The following OPHN1 variants were observed in gnomAD, a reference collection of about 807,000 sequenced individuals.
The protein encoded by OPHN1 is oligophrenin-1.
In OPHN1, 11 loss-of-function variants were observed where a neutral mutation model predicts 60.7. That is an observed-to-expected ratio of 0.18 (90% CI 0.11 to 0.30). OPHN1 has a LOEUF of 0.30. Among genes scored for constraint, OPHN1 ranks in the 10% least tolerant of loss-of-function variants. The probability of loss-of-function intolerance (pLI) is 1.00; values close to 1 mark genes in which losing one functional copy is unlikely to be tolerated. For synonymous variants in OPHN1, 226 were observed against 222.6 expected, an observed-to-expected ratio of 1.02 and a Z score of -0.14; for missense variants, 449 against 611.0, an observed-to-expected ratio of 0.73 and a Z score of 2.80.
chrX:68,194,900 G>A (rs1263134599), intron 12 of OPHN1, among the ~76,000 whole-genome samples: 1 of 107,702 alleles, frequency 9.3e-6, no homozygotes, highest in Non-Finnish European at 1.9e-5. Flanking sequence ...CCCAGGAGGT[G>A]GAGGCTGCAG....
At chrX:68,115,371 A>G (rs1387981247) in intron 16 of OPHN1, among the ~76,000 whole-genome samples, 1 of 112,253 alleles carries the variant, frequency 8.9e-6, no homozygotes, top group African/African-American at 3.2e-5. Context: ...GTCCCTGTAG[A>G]TATTTCAGTT....
chrX:68,428,144 A>G (rs943171771), intron 2 of OPHN1, among the ~76,000 whole-genome samples: 1 of 111,822 alleles, frequency 8.9e-6, no homozygotes, highest in African/African-American at 3.2e-5. Flanking sequence ...GCAGTAGGAT[A>G]AGCAGGGCCT....
At chrX:68,205,507 CTGTT>C (rs1338426214) in intron 10 of OPHN1, among the ~76,000 whole-genome samples, 6 of 111,429 alleles carry the variant, frequency 5.4e-5, no homozygotes, top group East Asian at 2.8e-4. Flanking sequence ...TCCAGAAACT[CTGTT>C]TGATACAACA....
chrX:68,247,131 C>A (rs370911515), intron 5 of OPHN1, among the ~76,000 whole-genome samples: 7 of 111,056 alleles, frequency 6.3e-5, no homozygotes, highest in Non-Finnish European at 9.4e-5. Flanking sequence ...AATTTCAAAT[C>A]GTCCTTCAAG....
At chrX:68,144,192 T>A (rs1423493898) in intron 15 of OPHN1, among the ~76,000 whole-genome samples, 3 of 110,472 alleles carry the variant, frequency 2.7e-5, no homozygotes, top group Admixed American at 9.7e-5. Flanking sequence ...TTATTTTTTT[T>A]AATTTTTTTA....
intron 2 of OPHN1, among the ~76,000 whole-genome samples, chrX:68,402,965 G>A (rs1329869088): frequency 2.7e-5 from 3 of 111,953 alleles, no homozygotes; most frequent in African/African-American, 9.7e-5. Context: ...AGGTGTACAG[G>A]AGTATCTGAA....
At chrX:68,202,090 G>A (rs1040636844) in intron 10 of OPHN1, among the ~76,000 whole-genome samples, 1 of 111,437 alleles carries the variant, frequency 9.0e-6, no homozygotes, top group Non-Finnish European at 1.9e-5. Context: ...AAATTGTGAC[G>A]GGGTAAGTGG....
Position 68,048,453 on chromosome X carries a change from G to T in OPHN1, c.2380C>A (p.Gln794Lys). ...ETASRKTGSS[Q>K]GRLPGDES Reference sequence around the variant, plus strand: ...CTTTCATCTCCAGGAAGTCTGCCTTGAGAACTGTGGATAAAGAAAGACGTT... The same window carrying T: ...CTTTCATCTCCAGGAAGTCTGCCTTTAGAACTGTGGATAAAGAAAGACGTT... Residue 794 changes from glutamine (Q) to lysine (K), a missense_variant, in exon 24 of 25, where the codon CAA becomes AAA. Coordinates refer to ENST00000355520, the MANE Select transcript of OPHN1 (RefSeq NM_002547.3). 8.3e-7 allele frequency: 1 copy of T among 1,208,447 alleles called. No individual in the cohort carries two copies. Among genetic ancestry groups the T allele is most frequent in the Non-Finnish European group, 1.1e-6 (1 of 892,762 alleles).
chrX:68,379,244 G>A (rs894504668), intron 2 of OPHN1, among the ~76,000 whole-genome samples: 4 of 111,256 alleles, frequency 3.6e-5, no homozygotes, highest in South Asian at 3.8e-4. Context: ...TGTTATTGGT[G>A]CATAAGAATG....
Position 68,210,297 on chromosome X carries a change from T to C in OPHN1, c.703-15A>G, listed in dbSNP as rs781257632. On this transcript the variant is annotated splice_polypyrimidine_tract_variant and intron_variant, in intron 8 of 24. Coordinates refer to ENST00000355520, the MANE Select transcript of OPHN1 (RefSeq NM_002547.3). ...TGATTTCTTGTCTGTCAAGACATCA[T>C]CATGAAAATCATTATTATCATCATC... 6.7e-6 allele frequency: 8 copies of C among 1,192,998 alleles called. No homozygotes were observed. The highest frequency in any genetic ancestry group is 8.0e-6 in the Non-Finnish European group (7 of 879,635).
chrX:68,336,068 A>C (rs2078320786), intron 2 of OPHN1, among the ~76,000 whole-genome samples: 1 of 111,726 alleles, frequency 9.0e-6, no homozygotes. Flanking sequence ...ACTCACAAGA[A>C]ATACTGAAGG....
At chrX:68,165,135 A>G (rs2077352176) in intron 15 of OPHN1, among the ~76,000 whole-genome samples, 1 of 111,693 alleles carries the variant, frequency 9.0e-6, no homozygotes, top group South Asian at 3.8e-4. Flanking sequence ...CCCCATGTCA[A>G]CTATAAGGCT....
chrX:68,133,350 T>C lies in OPHN1; in HGVS notation c.1277-14018A>G, dbSNP rs1234604630. On this transcript the variant is annotated intron_variant, in intron 15 of 24. Transcript: ENST00000355520. ...TATGAGCAAATCCTCAATACCAAAC[T>C]AGCAGAACAATATGAATGAATCTTT... is the stretch of plus-strand genomic sequence containing the variant. 4 of 684,554 alleles carry C rather than the reference T, an allele frequency of 5.8e-6. No homozygotes were observed. The Admixed American group carries it at 9.1e-5, about 16-fold the overall frequency. 56.4% of individuals were successfully genotyped at this position (684,554 alleles called of 1,213,427 possible).
chrX:68,186,820 A>C (rs2077464667), intron 15 of OPHN1, among the ~76,000 whole-genome samples: 1 of 111,183 alleles, frequency 9.0e-6, no homozygotes, highest in Non-Finnish European at 1.9e-5. Context: ...CCTTCTTATA[A>C]GGGTATTTAT....
chrX:68,260,433 A>T (rs1215066457), intron 5 of OPHN1, among the ~76,000 whole-genome samples: 1 of 110,111 alleles, frequency 9.1e-6, no homozygotes, highest in Non-Finnish European at 1.9e-5. Flanking sequence ...TCTTTTTTTT[A>T]ATCTTCTGAT....
chrX:68,048,066 T>A (rs1036415199), intron 24 of OPHN1, among the ~76,000 whole-genome samples: 9 of 111,844 alleles, frequency 8.0e-5, no homozygotes, highest in African/African-American at 2.9e-4. Flanking sequence ...TCCAACCTTC[T>A]CATTTTAGAA....
chrX:68,328,534 A>T (rs1237507483), intron 2 of OPHN1, among the ~76,000 whole-genome samples: 1 of 112,705 alleles, frequency 8.9e-6, no homozygotes, highest in East Asian at 2.8e-4. Flanking sequence ...AGGAAAATAA[A>T]TATATTTTAA....
At chrX:68,208,810 T>C (rs1322714690) in intron 9 of OPHN1, among the ~76,000 whole-genome samples, 2 of 111,899 alleles carry the variant, frequency 1.8e-5, no homozygotes, top group African/African-American at 6.5e-5. Flanking sequence ...CACCTGGAGA[T>C]TACTATGAGC....
chrX:68,260,898 C>T (rs1309107161), intron 5 of OPHN1, among the ~76,000 whole-genome samples: 1 of 111,335 alleles, frequency 9.0e-6, no homozygotes. Context: ...CCAACACTAA[C>T]ACCTTTGTCT....
Sources: gnomAD v4.1 joint callset for allele counts (sites outside exome capture counted in the v4.1 genomes callset) on GRCh38, gnomAD v4.1.1 for gene constraint, MANE v1.5 for transcripts, NCBI Gene and HGNC (gene_info 2026-07-23, HGNC 2026-07-21) for gene names.